Variants in SHROOM3 observed in about 807,000 individuals in gnomAD.
The protein encoded by SHROOM3 is protein Shroom3.
SHROOM3 carries 47 observed loss-of-function variants against 138.6 expected under a neutral mutation model. The ratio of observed to expected loss-of-function variants is 0.34; its 90% CI spans 0.27 to 0.43. The LOEUF (loss-of-function observed/expected upper bound fraction) is 0.43. SHROOM3 is among the 20% of genes least tolerant of loss of function. SHROOM3 has a pLI of 1.00. For missense variants in SHROOM3, 2,491 were observed against 2,596.5 expected, an observed-to-expected ratio of 0.96 and a Z score of 0.88; for synonymous variants, 1,062 against 1,063.3, an observed-to-expected ratio of 1.00 and a Z score of 0.02.
intron 2 of SHROOM3, among the ~76,000 whole-genome samples, chr4:76,657,277 T>C (rs1159275785): frequency 1.3e-5 from 2 of 152,208 alleles, no homozygotes; most frequent in Non-Finnish European, 2.9e-5. Context: ...AAAACATTTA[T>C]GTAAGGCCGT....
chr4:76,771,189 C>T (rs1243560680), intron 10 of SHROOM3, among the ~76,000 whole-genome samples: 2 of 152,052 alleles, frequency 1.3e-5, no homozygotes, highest in Non-Finnish European at 2.9e-5. Flanking sequence ...ACATGGTGAA[C>T]CAACATGGTG....
At position 76,657,693 on chromosome 4, in the gene SHROOM3, A is replaced by G. The variant is rs556386457; in HGVS notation, c.324-52463A>G. Reference sequence around the variant, plus strand: ...TGTGGTGCAACAGTGACATCCATTGACCTGTTATGCTAATTATAGAAGAAA... The same window carrying G: ...TGTGGTGCAACAGTGACATCCATTGGCCTGTTATGCTAATTATAGAAGAAA... On this transcript the variant is annotated intron_variant, in intron 2 of 10. Transcript: ENST00000296043. 2.9e-4 allele frequency among the ~76,000 whole-genome samples: 44 copies of G among 152,262 alleles called. 1 individual carries two copies. Among genetic ancestry groups the G allele is most frequent in the African/African-American group, 1.0e-3 (42 of 41,552 alleles).
chr4:76,554,578 C>T (rs1733440657), intron 1 of SHROOM3, among the ~76,000 whole-genome samples: 1 of 151,882 alleles, frequency 6.6e-6, no homozygotes, highest in African/African-American at 2.4e-5. Context: ...TGCCACCATG[C>T]CTGGCTAATT....
intron 1 of SHROOM3, among the ~76,000 whole-genome samples, chr4:76,481,190 A>G (rs947564347): frequency 8.5e-5 from 13 of 152,220 alleles, no homozygotes; most frequent in African/African-American, 3.1e-4. Context: ...CAATTAATCC[A>G]GAAGCTGGTT....
chr4:76,564,246 CCT>C (rs1733653711), intron 2 of SHROOM3, among the ~76,000 whole-genome samples: 1 of 152,176 alleles, frequency 6.6e-6, no homozygotes, highest in Non-Finnish European at 1.5e-5. Flanking sequence ...ATGAGACTTC[CCT>C]AGAGGGGAGA....
At chr4:76,561,883 C>A (rs1368894252) in intron 2 of SHROOM3, among the ~76,000 whole-genome samples, 2 of 151,730 alleles carry the variant, frequency 1.3e-5, no homozygotes, top group Non-Finnish European at 2.9e-5. Flanking sequence ...AGGTGGCGTG[C>A]CCCTGTAATC....
At chr4:76,615,768 A>T (rs1734861748) in intron 2 of SHROOM3, among the ~76,000 whole-genome samples, 1 of 152,156 alleles carries the variant, frequency 6.6e-6, no homozygotes, top group Non-Finnish European at 1.5e-5. Context: ...TTTCACATTC[A>T]CATTCACTGG....
At chr4:76,700,762 TTC>T (rs1371242546) in intron 2 of SHROOM3, among the ~76,000 whole-genome samples, 2 of 149,906 alleles carry the variant, frequency 1.3e-5, no homozygotes, top group African/African-American at 5.1e-5. Flanking sequence ...TCTTTTTTTT[TTC>T]TTTCTTTCTT....
chr4:76,521,868 C>T (rs1275925114), intron 1 of SHROOM3, among the ~76,000 whole-genome samples: 3 of 152,102 alleles, frequency 2.0e-5, no homozygotes, highest in Non-Finnish European at 4.4e-5. Flanking sequence ...CTTAATATTA[C>T]CAATAATGGG....
intron 1 of SHROOM3, among the ~76,000 whole-genome samples, chr4:76,482,565 C>A (rs573832651): frequency 6.6e-6 from 1 of 152,242 alleles, no homozygotes; most frequent in African/African-American, 2.4e-5. Context: ...GTGAAAATGG[C>A]CATACTGCCC....
At chr4:76,501,459 T>A (rs914429233) in intron 1 of SHROOM3, among the ~76,000 whole-genome samples, 3 of 152,192 alleles carry the variant, frequency 2.0e-5, no homozygotes, top group African/African-American at 7.2e-5. Context: ...GACCTTTTAC[T>A]CTGGTTCCTG....
chr4:76,617,805 G>T (rs1314075920), intron 2 of SHROOM3, among the ~76,000 whole-genome samples: 3 of 152,156 alleles, frequency 2.0e-5, no homozygotes, highest in Non-Finnish European at 2.9e-5. Flanking sequence ...TAAGGTACCT[G>T]GATAGTCCTG....
At chr4:76,565,160 C>CAAAAAAAAAAAAAAAAAAAAA (rs1166896258) in intron 2 of SHROOM3, among the ~76,000 whole-genome samples, 9 of 135,932 alleles carry the variant, frequency 6.6e-5, no homozygotes, top group African/African-American at 2.2e-4. Flanking sequence ...GACTCCATTT[C>CAAAAAAAAAAAAAAAAAAAAA]AAAAAAAAAA....
At chr4:76,541,577 A>G (rs1733098429) in intron 1 of SHROOM3, among the ~76,000 whole-genome samples, 1 of 151,902 alleles carries the variant, frequency 6.6e-6, no homozygotes, top group Admixed American at 6.6e-5. Context: ...AAGAGGGAAA[A>G]AAGTCGCACT....
At chr4:76,776,741 T>C (rs1722582682) in intron 10 of SHROOM3, among the ~76,000 whole-genome samples, 2 of 152,218 alleles carry the variant, frequency 1.3e-5, no homozygotes, top group Admixed American at 1.3e-4. Flanking sequence ...GGTCTTAGAT[T>C]TAAGTCCTTG....
At chr4:76,639,399 T>A (rs1735596441) in intron 2 of SHROOM3, 1 of 392,104 alleles carries the variant, frequency 2.6e-6, no homozygotes, top group Non-Finnish European at 4.5e-6. Context: ...TTGCTGCAAA[T>A]TGGTGGTGAG....
At chr4:76,461,506 A>G (rs1261569101) in intron 1 of SHROOM3, among the ~76,000 whole-genome samples, 1 of 152,216 alleles carries the variant, frequency 6.6e-6, no homozygotes, top group African/African-American at 2.4e-5. Context: ...AATTTAATAC[A>G]GAGAATAAGT....
chr4:76,770,802 C>T lies in SHROOM3; in HGVS notation c.5526C>T (p.Asp1842=), dbSNP rs370961359. Residue 1842 remains aspartate (D), a synonymous_variant, in exon 10 of 11, where the codon GAC becomes GAT. Coordinates refer to ENST00000296043, the MANE Select transcript of SHROOM3 (RefSeq NM_020859.4). ...DKYRMFIGDL[D]KVVNLLLSLS... ...ATAGGATGTTCATAGGGGATTTGGA[C>T]AAGGTGGTCAACCTGCTGCTCTCCC... 8 of 1,614,054 alleles carry T rather than the reference C, an allele frequency of 5.0e-6. No individual in the cohort carries two copies. The East Asian group carries it at 6.7e-5, about 13-fold the overall frequency.
At chr4:76,743,195 T>G (rs546894066) in intron 5 of SHROOM3, among the ~76,000 whole-genome samples, 21 of 152,310 alleles carry the variant, frequency 1.4e-4, no homozygotes, top group African/African-American at 4.6e-4. Flanking sequence ...GGAGAGGGGA[T>G]GCATTGATGG....
Sources: gnomAD v4.1 joint callset for allele counts (sites outside exome capture counted in the v4.1 genomes callset) on GRCh38, gnomAD v4.1.1 for gene constraint, MANE v1.5 for transcripts, NCBI Gene and HGNC (gene_info 2026-07-23, HGNC 2026-07-21) for gene names.